Variants in TBCD observed in about 807,000 individuals in gnomAD.
The protein encoded by TBCD is tubulin-specific chaperone D.
Under a neutral mutation model 169.3 loss-of-function variants are expected in TBCD, and 105 were observed. The observed-to-expected ratio is 0.62, with a 90% CI of 0.53 to 0.73. The LOEUF is 0.73. TBCD is among the 30% of genes least tolerant of loss of function. The pLI, the probability that TBCD is intolerant of heterozygous loss-of-function variation, is 0.00. For synonymous variants in TBCD, 700 were observed against 643.9 expected, an observed-to-expected ratio of 1.09 and a Z score of -1.32; for missense variants, 1,444 against 1,600.1, an observed-to-expected ratio of 0.90 and a Z score of 1.66.
In TBCD at chr17:82,884,329, C is replaced by T; in HGVS notation, c.1533+127C>T. 3 of 859,018 alleles carry T rather than the reference C, an allele frequency of 3.5e-6. No individual in the cohort carries two copies. Among genetic ancestry groups the T allele is most frequent in the Non-Finnish European group, 5.6e-6 (3 of 532,082 alleles). The allele number at this position is 859,018 out of a possible 1,614,324, so 53.2% of individuals were successfully genotyped here. ...CACAGCAGGAGCCGCGAGGGAGCTG[C>T]TGAGAGTGCCAGCTGCGGGCAGGCC... On this transcript the variant is annotated intron_variant, in intron 15 of 38. Transcript: ENST00000355528. The surrounding 1 kb of genome is among the most constrained non-coding windows in gnomAD (Gnocchi z 4.2).
intron 13 of TBCD, among the ~76,000 whole-genome samples, chr17:82,850,027 G>C (rs867975086): frequency 6.7e-4 from 86 of 128,840 alleles, no homozygotes; most frequent in Middle Eastern, 4.0e-3. Context: ...GCTGTTGTTG[G>C]CTGTGCTGTT....
At chr17:82,901,786 C>G (rs895292648) in intron 18 of TBCD, among the ~76,000 whole-genome samples, 1 of 152,216 alleles carries the variant, frequency 6.6e-6, no homozygotes, top group Non-Finnish European at 1.5e-5. Flanking sequence ...TCCCTTCATT[C>G]GCTTACAGAG....
Position 82,874,782 on chromosome 17 carries a change from T to C in TBCD, c.1475+4402T>C, listed in dbSNP as rs949791595. Among the ~76,000 whole-genome samples the C allele has an allele frequency of 1.3e-5, 2 of 152,144 alleles. No individual in the cohort carries two copies. Among genetic ancestry groups the C allele is most frequent in the Non-Finnish European group, 2.9e-5 (2 of 68,006 alleles). Reference sequence around the variant, plus strand: ...CTGCGCACCCGGGTATCGGTTGGGGTGTGCCCTTCCAGATCTCCCTCCCTT... The same window carrying C: ...CTGCGCACCCGGGTATCGGTTGGGGCGTGCCCTTCCAGATCTCCCTCCCTT... On this transcript the variant is annotated intron_variant, in intron 14 of 38. Transcript: ENST00000355528. The surrounding 1 kb of genome is among the most constrained non-coding windows in gnomAD (Gnocchi z 5.0).
rs748752725 is a variant in TBCD at position 82,911,753 on chromosome 17, T to C, written c.2007-5T>C. On this transcript the variant is annotated splice_region_variant and splice_polypyrimidine_tract_variant and intron_variant, in intron 22 of 38. Transcript: ENST00000355528. ...TCTAATTCTGATGTTTTCATTCCTT[T>C]TCAGGGGTCTGGGAGGACAGCTCAT... 1.9e-6 allele frequency: 3 copies of C among 1,613,782 alleles called. No individual in the cohort carries two copies. The highest frequency in any genetic ancestry group is 2.2e-5 in the South Asian group (2 of 91,042).
At chr17:82,856,491 A>G (rs531523331) in intron 13 of TBCD, among the ~76,000 whole-genome samples, 24 of 152,206 alleles carry the variant, frequency 1.6e-4, no homozygotes, top group African/African-American at 5.5e-4. Flanking sequence ...GCGTTCCCCA[A>G]AATTCCTGCT....
chr17:82,924,788 A>G, intron 26 of TBCD, 151 bp from the exon 27 acceptor site: 2 of 596,006 alleles, frequency 3.4e-6, no homozygotes, highest in Non-Finnish European at 2.9e-6. Flanking sequence ...ATTTTGAGGT[A>G]GGCCACTTTG....
At chr17:82,754,026 G>A (rs2047269579) in intron 1 of TBCD, among the ~76,000 whole-genome samples, 1 of 151,880 alleles carries the variant, frequency 6.6e-6, no homozygotes, top group African/African-American at 2.4e-5. Flanking sequence ...ACAGGTGCGC[G>A]CCACCACGCC....
In TBCD at chr17:82,768,489, C is replaced by T. The variant is rs755871476; in HGVS notation, c.505C>T (p.Arg169Cys). 42 of 1,613,860 alleles carry T rather than the reference C, an allele frequency of 2.6e-5. No homozygotes were observed. In the East Asian group the frequency reaches 6.7e-4, roughly 26 times the overall value. ...VTCLIPFDFSRLDGNLLTQPG... is the reference protein window; with the variant it reads ...VTCLIPFDFSCLDGNLLTQPG... ...CTGCCTGATCCCTTTTGATTTTTCTCGCCTTGACGGGAACCTCCTCACCCA... is the reference window on the plus strand; with the variant it reads ...CTGCCTGATCCCTTTTGATTTTTCTTGCCTTGACGGGAACCTCCTCACCCA... The change falls in exon 5 of 39, where the codon CGC becomes TGC. Residue 169 changes from arginine (R) to cysteine (C), a missense_variant. Coordinates refer to ENST00000355528, the MANE Select transcript of TBCD (RefSeq NM_005993.5).
intron 25 of TBCD, 82 bp downstream of exon 25, chr17:82,921,659 G>C (rs1462481896): frequency 2.3e-5 from 30 of 1,330,264 alleles, no homozygotes; most frequent in Non-Finnish European, 3.2e-5. Context: ...GTTGGCGACT[G>C]TGCATCATGA....
intron 12 of TBCD, among the ~76,000 whole-genome samples, chr17:82,812,895 C>G (rs778960435): frequency 2.0e-5 from 3 of 152,186 alleles, no homozygotes; most frequent in African/African-American, 7.2e-5. Flanking sequence ...TGATAGCTCA[C>G]TGCGGCCTCT....
At chr17:82,855,034 C>T (rs1246830814) in intron 13 of TBCD, among the ~76,000 whole-genome samples, 1 of 151,962 alleles carries the variant, frequency 6.6e-6, no homozygotes, top group Non-Finnish European at 1.5e-5. Flanking sequence ...TGGGGCGTCG[C>T]ATCTCCCTGT....
chr17:82,906,954 C>CA (rs1272671067), intron 20 of TBCD, among the ~76,000 whole-genome samples: 1 of 152,232 alleles, frequency 6.6e-6, no homozygotes, highest in African/African-American at 2.4e-5. Flanking sequence ...CAGGGTCCTC[C>CA]AGTCGGGTCC....
Position 82,889,732 on chromosome 17 carries a change from C to T in TBCD, c.1563+35C>T. ...CTTTCAAACACCTTTATTCCAAAAACTTCCTGCGGGTTTATAGGTAGGAAT... is the reference window on the plus strand; with the variant it reads ...CTTTCAAACACCTTTATTCCAAAAATTTCCTGCGGGTTTATAGGTAGGAAT... On this transcript the variant is annotated intron_variant, in intron 16 of 38. Transcript: ENST00000355528. The surrounding 1 kb of genome is among the most constrained non-coding windows in gnomAD (Gnocchi z 5.3). 1.2e-6 allele frequency: 2 copies of T among 1,611,444 alleles called. No homozygotes were observed. The highest frequency in any genetic ancestry group is 8.5e-7 in the Non-Finnish European group (1 of 1,178,984).
rs1239821793 is a variant in TBCD, at chr17:82,923,460, T to C, written c.2179-192T>C. ...ACCTCAAGGGTGACCTGCTGTGTCC[T>C]TGGCCGGGTGCTTCTCCAACCTCAG... On this transcript the variant is annotated intron_variant, in intron 25 of 38. Coordinates refer to ENST00000355528, the MANE Select transcript of TBCD (RefSeq NM_005993.5). The surrounding 1 kb of genome is among the most constrained non-coding windows in gnomAD (Gnocchi z 4.6). 6.6e-6 allele frequency among the ~76,000 whole-genome samples: 1 copy of C among 151,798 alleles called. No homozygotes were observed. Among genetic ancestry groups the C allele is most frequent in the Non-Finnish European group, 1.5e-5 (1 of 67,914 alleles).
At chr17:82,843,280 T>TACCCC in intron 13 of TBCD, among the ~76,000 whole-genome samples, 1 of 139,518 alleles carries the variant, frequency 7.2e-6, no homozygotes, top group South Asian at 2.3e-4. Flanking sequence ...TTCCCTTCCC[T>TACCCC]TCCCCTCCCT....
At chr17:82,752,409 C>T (rs1413448174) in intron 1 of TBCD, 32 bp downstream of exon 1, 8 of 1,204,600 alleles carry the variant, frequency 6.6e-6, no homozygotes, top group South Asian at 4.0e-5. Flanking sequence ...CCCGCTTCCT[C>T]CCCCGGCCCG....
At chr17:82,816,848 TAAAA>T (rs35049574) in intron 13 of TBCD, among the ~76,000 whole-genome samples, 6 of 115,770 alleles carry the variant, frequency 5.2e-5, no homozygotes, top group Non-Finnish European at 6.9e-5. Context: ...CCTGCTTCTT[TAAAA>T]AAAAAAAAAA....
Position 82,923,862 on chromosome 17 carries a change from G to A in TBCD, c.2260+129G>A. On this transcript the variant is annotated intron_variant, in intron 26 of 38. Coordinates refer to ENST00000355528, the MANE Select transcript of TBCD (RefSeq NM_005993.5). This position sits in a 1 kb window ranked among gnomAD's most constrained non-coding sequence, Gnocchi z 4.6. ...GCCACCACGATCATGGCTGGAGTGG[G>A]ACTGTTCGGGTCTCAGGTTCCCAGC... 2.7e-6 allele frequency: 2 copies of A among 728,652 alleles called. No homozygotes were observed. The highest frequency in any genetic ancestry group is 4.5e-6 in the Non-Finnish European group (2 of 447,698). 45.1% of individuals were successfully genotyped at this position (728,652 alleles called of 1,614,324 possible). A position where few individuals can be genotyped will look rare whatever the true frequency, so the allele number is the denominator to read the frequency against.
In TBCD at chr17:82,942,813, C is replaced by A. The variant is rs1369257513; in HGVS notation, c.*350C>A. The A allele has an allele frequency of 5.1e-6, 2 of 395,798 alleles. No individual in the cohort carries two copies. Among genetic ancestry groups the A allele is most frequent in the East Asian group, 1.1e-4 (2 of 18,948 alleles). The allele number at this position is 395,798 out of a possible 1,614,324, so 24.5% of individuals were successfully genotyped here. A position where few individuals can be genotyped will look rare whatever the true frequency, so the allele number is the denominator to read the frequency against. ...GGCTGCACTCCTCCTGCCTGGAGAC[C>A]AGGCCCCCTTCTTGCCTGGTGCTGT... On this transcript the variant is annotated 3_prime_UTR_variant, in exon 39 of 39. Coordinates refer to ENST00000355528, the MANE Select transcript of TBCD (RefSeq NM_005993.5).
Sources: allele counts gnomAD v4.1 joint callset (sites outside exome capture counted in the v4.1 genomes callset), GRCh38; gene constraint gnomAD v4.1.1; non-coding constraint Gnocchi (gnomAD v3.1); transcripts MANE v1.5; gene names NCBI Gene and HGNC (gene_info 2026-07-23, HGNC 2026-07-21).